USP16: variants seen among roughly 807,000 people sequenced by gnomAD.
The protein encoded by USP16 is ubiquitin carboxyl-terminal hydrolase 16.
In USP16, 77 loss-of-function variants were observed where a neutral mutation model predicts 95.9. That is an observed-to-expected ratio of 0.80 (90% CI 0.67 to 0.97). The LOEUF is 0.97. Ranked by LOEUF, USP16 falls within the 50% of genes least tolerant of loss-of-function variation. USP16 has a pLI of 0.00. For synonymous variants in USP16, 303 were observed against 318.2 expected, an observed-to-expected ratio of 0.95 and a Z score of 0.51; for missense variants, 943 against 959.9, an observed-to-expected ratio of 0.98 and a Z score of 0.23.
intron 7 of USP16, 96 bp from the exon 8 acceptor site, chr21:29,038,930 A>G: frequency 7.9e-7 from 1 of 1,260,026 alleles, no homozygotes; most frequent in Non-Finnish European, 1.0e-6. Flanking sequence ...CAGTTCTGTC[A>G]GGAACATTGG....
chr21:29,040,726 A>G (rs746430902), intron 10 of USP16, 39 bp downstream of exon 10: 2 of 1,138,880 alleles, frequency 1.8e-6, no homozygotes, highest in Non-Finnish European at 2.6e-6. Flanking sequence ...CTATAGTTGA[A>G]TTCCTCTGTA....
chr21:29,046,312 T>G (rs2085322436), intron 13 of USP16, among the ~76,000 whole-genome samples: 1 of 152,078 alleles, frequency 6.6e-6, no homozygotes, highest in Non-Finnish European at 1.5e-5. Context: ...AATTTTTATT[T>G]TTATTTTTTT....
At chr21:29,045,604 CAT>C (rs2085310839) in intron 13 of USP16, among the ~76,000 whole-genome samples, 1 of 151,662 alleles carries the variant, frequency 6.6e-6, no homozygotes, top group Non-Finnish European at 1.5e-5. Context: ...CCCAGTAACT[CAT>C]ATGGATACAT....
In USP16 at chr21:29,047,106, A is replaced by C. The variant is rs767097319; in HGVS notation, c.1796A>C (p.His599Pro). 1 of 1,614,124 alleles carries C rather than the reference A, an allele frequency of 6.2e-7. No homozygotes were observed. The highest frequency in any genetic ancestry group is 1.1e-5 in the South Asian group (1 of 91,078). Residue 599 changes from histidine (H) to proline (P), a missense_variant, in exon 14 of 18, where the codon CAT becomes CCT. By Grantham distance (77) the His-to-Pro change is moderately conservative. Transcript: ENST00000399976. The part of the protein sequence containing the change: ...EINIEILNDS[H>P]TPGTKVYEVV... ...AATATAGAGATTCTGAATGATAGTC[A>C]TACTCCTGGAACAAAGGTGTATGAG...
chr21:29,027,985 T>C lies in USP16; in HGVS notation c.61+11T>C, dbSNP rs918001394. On this transcript the variant is annotated intron_variant, in intron 2 of 17. Transcript: ENST00000399976. ...CCTCTGAAACTTTAGGTATATTTCA[T>C]TGATTGAATCTTTAATGTTTATATC... The C allele has an allele frequency of 6.3e-7, 1 of 1,588,584 alleles. No individual in the cohort carries two copies. The highest frequency in any genetic ancestry group is 1.3e-5 in the African/African-American group (1 of 74,386).
chr21:29,024,996 C>T (rs1601032833), intron 1 of USP16: 1 of 381,044 alleles, frequency 2.6e-6, no homozygotes, highest in South Asian at 2.5e-5. Flanking sequence ...TTCTCGACCC[C>T]GTGGACCCAG....
chr21:29,039,531 G>T lies in USP16; in HGVS notation c.914G>T (p.Arg305Leu). The T allele has an allele frequency of 6.2e-7, 1 of 1,613,188 alleles. No individual in the cohort carries two copies. Among genetic ancestry groups the T allele is most frequent in the Non-Finnish European group, 8.5e-7 (1 of 1,179,360 alleles). ...YQQQDSQELL[R>L]YLLDGMRAEE... Reference sequence around the variant, plus strand: ...CAGCAAGACAGCCAGGAGCTGCTTCGCTACTTATTGGATGGGATGAGAGCA... The same window carrying T: ...CAGCAAGACAGCCAGGAGCTGCTTCTCTACTTATTGGATGGGATGAGAGCA... Residue 305 changes from arginine to leucine, a missense_variant, in exon 9 of 18, where the codon CGC (arginine) becomes CTC (leucine). Arg to Leu is a moderately radical substitution (Grantham distance 102). Coordinates refer to ENST00000399976, the MANE Select transcript of USP16 (RefSeq NM_006447.3).
At chr21:29,037,506 C>T (rs759360107) in intron 6 of USP16, 43 bp downstream of exon 6, 7 of 1,420,620 alleles carry the variant, frequency 4.9e-6, no homozygotes, top group Admixed American at 2.5e-5. Context: ...TGTCCTTTTC[C>T]TCATAGAATC....
At chr21:29,038,524 T>C in intron 7 of USP16, 94 bp downstream of exon 7, 5 of 970,922 alleles carry the variant, frequency 5.1e-6, no homozygotes, top group Non-Finnish European at 6.3e-6. Flanking sequence ...TTCCACTGTT[T>C]TTGTTTGTTT....
At chr21:29,044,515 T>C (rs534795885) in intron 13 of USP16, among the ~76,000 whole-genome samples, 2 of 151,196 alleles carry the variant, frequency 1.3e-5, no homozygotes, top group East Asian at 3.9e-4. Flanking sequence ...TGGCGAGATC[T>C]TGGCACACTG....
At chr21:29,044,803 T>C (rs948764550) in intron 13 of USP16, among the ~76,000 whole-genome samples, 1 of 152,168 alleles carries the variant, frequency 6.6e-6, no homozygotes, top group African/African-American at 2.4e-5. Flanking sequence ...TTCTGTGTTA[T>C]GGATGTGCCA....
rs2084959217 is a variant in USP16, at chr21:29,024,747, G to A, written c.-72G>A. Reference sequence around the variant, plus strand: ...GGCTGCCCAGCCCAAAGGCCCATGAGGGGATGCAGTTATGGGCTCTGTCGC... The same window carrying A: ...GGCTGCCCAGCCCAAAGGCCCATGAAGGGATGCAGTTATGGGCTCTGTCGC... On this transcript the variant is annotated 5_prime_UTR_variant, in exon 1 of 18. Coordinates refer to ENST00000399976, the MANE Select transcript of USP16 (RefSeq NM_006447.3). The A allele has an allele frequency of 1.6e-6, 2 of 1,289,170 alleles. No homozygotes were observed. Among genetic ancestry groups the A allele is most frequent in the Admixed American group, 2.3e-5 (1 of 43,538 alleles). The allele number at this position is 1,289,170 out of a possible 1,614,324, so 79.9% of individuals were successfully genotyped here.
rs551069505 is a variant in USP16 at position 29,043,516 on chromosome 21, A to G, written c.1273A>G (p.Ile425Val). The change falls in exon 13 of 18, where the codon ATA becomes GTA. Residue 425 changes from isoleucine (I) to valine (V), a missense_variant. Transcript: ENST00000399976. ...GGAAGAAAAAGATAACGACAGTTAC[A>G]TAAAAGAGAGAAGTGATATTCCTTC... ...SEEEKDNDSY[I>V]KERSDIPSGT... The G allele has an allele frequency of 6.2e-6, 10 of 1,601,982 alleles. No individual in the cohort carries two copies. The South Asian group carries it at 1.1e-4, about 18-fold the overall frequency.
chr21:29,027,343 A>G (rs2085007603), intron 1 of USP16, among the ~76,000 whole-genome samples: 1 of 152,244 alleles, frequency 6.6e-6, no homozygotes, highest in East Asian at 1.9e-4. Context: ...AATGTACAAC[A>G]GTGTATCACT....
chr21:29,052,488 T>A (rs905845834), intron 16 of USP16: 1 of 152,166 alleles, frequency 6.6e-6, no homozygotes, highest in African/African-American at 2.4e-5. Context: ...TGAGGCTTAT[T>A]CACTATCAAG....
At position 29,036,253 on chromosome 21, in the gene USP16, C is replaced by G. The variant is rs2146371448; in HGVS notation, c.345-18C>G. 3 of 1,582,350 alleles carry G rather than the reference C, an allele frequency of 1.9e-6. No homozygotes were observed. The East Asian group carries it at 6.8e-5, about 36-fold the overall frequency. On this transcript the variant is annotated intron_variant, in intron 4 of 17. Coordinates refer to ENST00000399976, the MANE Select transcript of USP16 (RefSeq NM_006447.3). ...GTTGTCATTTTGTCATTTTTCATCTCTGATTTTTGGGTCACAGGTGTTACG... is the reference window on the plus strand; with the variant it reads ...GTTGTCATTTTGTCATTTTTCATCTGTGATTTTTGGGTCACAGGTGTTACG...
chr21:29,047,620 C>G (rs1356689875), intron 14 of USP16, among the ~76,000 whole-genome samples: 1 of 152,016 alleles, frequency 6.6e-6, no homozygotes, highest in African/African-American at 2.4e-5. Flanking sequence ...TTTTTTCCAC[C>G]CTTACCTCCT....
chr21:29,044,892 C>A (rs1429729392), intron 13 of USP16, among the ~76,000 whole-genome samples: 2 of 152,082 alleles, frequency 1.3e-5, no homozygotes, highest in Non-Finnish European at 2.9e-5. Context: ...TAGTGAATAA[C>A]CCTACACATA....
chr21:29,048,967 C>T, intron 15 of USP16, 112 bp downstream of exon 15: 1 of 832,546 alleles, frequency 1.2e-6, no homozygotes, highest in Non-Finnish European at 1.9e-6. Flanking sequence ...TCTGTTGTTT[C>T]TTAACTGTAA....
Sources: gnomAD v4.1 joint callset for allele counts (sites outside exome capture counted in the v4.1 genomes callset) on GRCh38, gnomAD v4.1.1 for gene constraint, MANE v1.5 for transcripts, NCBI Gene and HGNC (gene_info 2026-07-23, HGNC 2026-07-21) for gene names.